DYNLRB2: variants seen among roughly 807,000 people sequenced by gnomAD.
DYNLRB2 encodes the protein bithoraxoid-like protein.
In DYNLRB2, 14 loss-of-function variants were observed where a neutral mutation model predicts 12.6. That is an observed-to-expected ratio of 1.11 (90% CI 0.73 to 1.73). The LOEUF (loss-of-function observed/expected upper bound fraction) is 1.73. Ranked by LOEUF, DYNLRB2 falls within the 40% of genes most tolerant of loss-of-function variation. The pLI is 0.00. For missense variants in DYNLRB2, 142 were observed against 117.7 expected (o/e 1.21, Z -0.95); for synonymous variants, 53 against 37.0 (o/e 1.43, Z -1.57).
chr16:80,542,160 C>T (rs182992753), intron 1 of DYNLRB2, among the ~76,000 whole-genome samples: 1 of 152,088 alleles, frequency 6.6e-6, no homozygotes, highest in South Asian at 2.1e-4. Context: ...TCATTTTGTT[C>T]ATTTTGTTTG....
intron 2 of DYNLRB2, 128 bp downstream of exon 2, chr16:80,543,479 C>T (rs1904308829): frequency 3.6e-6 from 3 of 840,470 alleles, no homozygotes; most frequent in South Asian, 3.7e-5. Context: ...TTAGCTCTGG[C>T]ATTCACTTAC....
intron 2 of DYNLRB2, 120 bp downstream of exon 2, chr16:80,543,471 A>T: frequency 1.2e-5 from 11 of 925,988 alleles, no homozygotes; most frequent in East Asian, 2.6e-5. Context: ...TATATATTTT[A>T]GCTCTGGCAT....
rs1904786872 is a variant in DYNLRB2 at position 80,550,620 on chromosome 16, G to C, written c.*62G>C. On this transcript the variant is annotated 3_prime_UTR_variant, in exon 4 of 4. Coordinates refer to ENST00000305904, the MANE Select transcript of DYNLRB2 (RefSeq NM_130897.3). Reference sequence around the variant, plus strand: ...TTGGAAACACTTGGCTCTCTCATGAGTATTAAAATTCTATTTCAATCTAAC... The same window carrying C: ...TTGGAAACACTTGGCTCTCTCATGACTATTAAAATTCTATTTCAATCTAAC... The C allele has an allele frequency of 6.4e-7, 1 of 1,562,070 alleles. No individual in the cohort carries two copies. Among genetic ancestry groups the C allele is most frequent in the South Asian group, 1.1e-5 (1 of 89,540 alleles).
At chr16:80,549,700 G>A in intron 3 of DYNLRB2, 49 bp downstream of exon 3, 1 of 1,526,956 alleles carries the variant, frequency 6.5e-7, no homozygotes, top group Non-Finnish European at 8.9e-7. Flanking sequence ...TAATTTGCTA[G>A]ATTAAAAGCC....
chr16:80,547,449 T>C (rs1210533334), intron 2 of DYNLRB2, among the ~76,000 whole-genome samples: 1 of 152,178 alleles, frequency 6.6e-6, no homozygotes, highest in East Asian at 1.9e-4. Context: ...TGTTGATTGA[T>C]TTTTTCCAAG....
At chr16:80,547,841 T>G (rs2142312999) in intron 2 of DYNLRB2, 1 of 456,582 alleles carries the variant, frequency 2.2e-6, no homozygotes, top group Non-Finnish European at 4.4e-6. Flanking sequence ...AATAAAAGAT[T>G]AGCAAGGTTT....
At chr16:80,547,025 G>A (rs1168523848) in intron 2 of DYNLRB2, among the ~76,000 whole-genome samples, 1 of 152,176 alleles carries the variant, frequency 6.6e-6, no homozygotes, top group East Asian at 1.9e-4. Flanking sequence ...GTATAAATGT[G>A]AAATGAGATG....
intron 2 of DYNLRB2, among the ~76,000 whole-genome samples, chr16:80,547,490 G>A (rs1904547303): frequency 1.8e-5 from 2 of 111,714 alleles, no homozygotes; most frequent in Non-Finnish European, 4.1e-5. Flanking sequence ...AACTCCATGT[G>A]TTTCCACCGT....
At chr16:80,547,968 C>T (rs1252330714) in intron 2 of DYNLRB2, 1 of 323,518 alleles carries the variant, frequency 3.1e-6, no homozygotes, top group Admixed American at 4.3e-5. Context: ...TCTTCAAAGT[C>T]AAAATTGATG....
chr16:80,543,925 C>T (rs1904315664), intron 2 of DYNLRB2, among the ~76,000 whole-genome samples: 1 of 152,130 alleles, frequency 6.6e-6, no homozygotes, highest in African/African-American at 2.4e-5. Context: ...GTTAAGAATC[C>T]ACATCACATT....
At chr16:80,545,960 C>T (rs1597091528) in intron 2 of DYNLRB2, among the ~76,000 whole-genome samples, 3 of 152,156 alleles carry the variant, frequency 2.0e-5, no homozygotes, top group East Asian at 1.9e-4. Flanking sequence ...TGAGCCACCA[C>T]GCCCAGCCTT....
chr16:80,546,478 T>C (rs534262074), intron 2 of DYNLRB2, among the ~76,000 whole-genome samples: 1 of 152,370 alleles, frequency 6.6e-6, no homozygotes, highest in East Asian at 1.9e-4. Context: ...ATTTTATATA[T>C]AGTCCTTCGG....
chr16:80,542,524 T>C (rs1047103444), intron 1 of DYNLRB2, among the ~76,000 whole-genome samples: 3 of 152,196 alleles, frequency 2.0e-5, no homozygotes, highest in Admixed American at 1.3e-4. Context: ...GAATTCAAAA[T>C]ATCCAGTGAT....
At chr16:80,541,660 G>C (rs1443816620) in intron 1 of DYNLRB2, among the ~76,000 whole-genome samples, 2 of 149,836 alleles carry the variant, frequency 1.3e-5, no homozygotes, top group Non-Finnish European at 3.0e-5. Flanking sequence ...ACGGGGATTG[G>C]AGATGGGGAT....
At chr16:80,546,890 G>C (rs1904499948) in intron 2 of DYNLRB2, among the ~76,000 whole-genome samples, 1 of 152,176 alleles carries the variant, frequency 6.6e-6, no homozygotes, top group Admixed American at 6.5e-5. Context: ...TTGAAATAAT[G>C]AGTGCTGGCT....
intron 1 of DYNLRB2, among the ~76,000 whole-genome samples, chr16:80,541,872 C>G (rs1904291571): frequency 6.6e-6 from 1 of 152,204 alleles, no homozygotes; most frequent in African/African-American, 2.4e-5. Context: ...ATCCCCTGTT[C>G]AACGCTTACG....
rs139081611 is a variant in DYNLRB2, at chr16:80,542,271, G to A, written c.4-1005G>A. On this transcript the variant is annotated intron_variant, in intron 1 of 3. Coordinates refer to ENST00000305904, the MANE Select transcript of DYNLRB2 (RefSeq NM_130897.3). Reference sequence around the variant, plus strand: ...AATGCATTTATTTAAGCTTTTAGCAGTGAGATAATTTAAAGAACACCTAGA... The same window carrying A: ...AATGCATTTATTTAAGCTTTTAGCAATGAGATAATTTAAAGAACACCTAGA... 3.1e-3 allele frequency among the ~76,000 whole-genome samples: 475 copies of A among 152,292 alleles called. 3 individuals are homozygous for A. Among genetic ancestry groups the A allele is most frequent in the African/African-American group, 0.011 (438 of 41,564 alleles).
chr16:80,540,918 C>T, upstream of DYNLRB2: 2 of 1,340,814 alleles, frequency 1.5e-6, no homozygotes, highest in Non-Finnish European at 2.1e-6. Flanking sequence ...ATCAGGAGCG[C>T]GGTCAGGGCG....
chr16:80,547,420 C>A (rs1904541586), intron 2 of DYNLRB2, among the ~76,000 whole-genome samples: 1 of 152,080 alleles, frequency 6.6e-6, no homozygotes, highest in Non-Finnish European at 1.5e-5. Context: ...TGGTGCCAAG[C>A]AAGAGTTCAA....
Sources: allele counts gnomAD v4.1 joint callset (sites outside exome capture counted in the v4.1 genomes callset), GRCh38; gene constraint gnomAD v4.1.1; transcripts MANE v1.5; gene names NCBI Gene and HGNC (gene_info 2026-07-23, HGNC 2026-07-21).